Variants in KLHDC4 observed in about 807,000 individuals in gnomAD.
KLHDC4 encodes the protein kelch domain-containing protein 4.
Under a neutral mutation model 62.4 loss-of-function variants are expected in KLHDC4, and 90 were observed. The observed-to-expected ratio is 1.44, with a 90% CI of 1.22 to 1.72. The LOEUF (loss-of-function observed/expected upper bound fraction) is 1.72, where lower values mean the gene tolerates loss of function less well. Among genes scored for constraint, KLHDC4 ranks in the 40% most tolerant of loss-of-function variants. KLHDC4 has a pLI of 0.00. For synonymous variants in KLHDC4, 386 were observed against 284.4 expected (o/e 1.36, Z -3.59); for missense variants, 1,025 against 699.7 (o/e 1.47, Z -5.25).
At chr16:87,758,357 G>A (rs897054386) in intron 2 of KLHDC4, among the ~76,000 whole-genome samples, 36 of 152,284 alleles carry the variant, frequency 2.4e-4, no homozygotes, top group African/African-American at 8.2e-4. Context: ...ACCCACAGAC[G>A]GAACAGGATT....
rs759876715 is a variant in KLHDC4, at chr16:87,765,868, TCCTTCTTGC to T, written c.14_22del (p.Gly5_Lys7del). 414 of 1,552,078 alleles carry T rather than the reference TCCTTCTTGC, an allele frequency of 2.7e-4. No homozygotes were observed. Among genetic ancestry groups the T allele is most frequent in the Admixed American group, 4.7e-4 (24 of 50,994 alleles). On this transcript the variant is annotated inframe_deletion, in exon 1 of 12. Coordinates refer to ENST00000270583, the MANE Select transcript of KLHDC4 (RefSeq NM_017566.4). The stretch of plus-strand genomic sequence containing the variant: ...CTTCTCCGCGCCGCGGCCCTTCTTC[TCCTTCTTGC>T]CCTTCTTGCCCATCTTGCCGGGTCC...
downstream of KLHDC4, among the ~76,000 whole-genome samples, chr16:87,707,132 G>C (rs2034831273): frequency 6.6e-6 from 1 of 152,206 alleles, no homozygotes; most frequent in African/African-American, 2.4e-5. Flanking sequence ...CTCAACTTTT[G>C]ACCCCAATTA....
At chr16:87,765,712 T>G in intron 1 of KLHDC4, 80 bp downstream of exon 1, 2 of 1,384,142 alleles carry the variant, frequency 1.4e-6, no homozygotes, top group South Asian at 2.7e-5. Flanking sequence ...GGCCGACCCG[T>G]AACCCCGGGG....
At chr16:87,712,648 T>A (rs530298671) in intron 8 of KLHDC4, among the ~76,000 whole-genome samples, 29 of 152,372 alleles carry the variant, frequency 1.9e-4, no homozygotes, top group African/African-American at 6.5e-4. Flanking sequence ...CAGGGTGCAG[T>A]AAGGCAGGGC....
At chr16:87,711,109 C>A (rs2035720860) in intron 9 of KLHDC4, 126 bp downstream of exon 9, 1 of 847,888 alleles carries the variant, frequency 1.2e-6, no homozygotes, top group African/African-American at 1.7e-5. Flanking sequence ...GAACCCTCGC[C>A]CCTCTTGAGA....
intron 7 of KLHDC4, among the ~76,000 whole-genome samples, chr16:87,716,927 G>A (rs542084436): frequency 2.3e-4 from 33 of 145,762 alleles, no homozygotes; most frequent in Middle Eastern, 4.2e-3. Flanking sequence ...GCGAGACTCC[G>A]TCTCAAAAAA....
intron 7 of KLHDC4, among the ~76,000 whole-genome samples, chr16:87,715,545 A>G (rs1230234325): frequency 1.3e-5 from 2 of 151,962 alleles, no homozygotes; most frequent in South Asian, 4.1e-4. Flanking sequence ...CTGGGCCCTG[A>G]GCTTCTCCGA....
chr16:87,721,250 C>T (rs1390303375), intron 7 of KLHDC4, among the ~76,000 whole-genome samples: 3 of 152,068 alleles, frequency 2.0e-5, no homozygotes, highest in Non-Finnish European at 4.4e-5. Flanking sequence ...AAAACCCCGT[C>T]TCTACTAAAA....
chr16:87,727,279 G>C (rs573127930), intron 6 of KLHDC4, among the ~76,000 whole-genome samples: 1 of 152,344 alleles, frequency 6.6e-6, no homozygotes, highest in South Asian at 2.1e-4. Context: ...CACAGAGGCA[G>C]AGGAATTTAA....
intron 5 of KLHDC4, among the ~76,000 whole-genome samples, chr16:87,735,723 G>A (rs984578286): frequency 1.3e-5 from 2 of 152,120 alleles, no homozygotes; most frequent in African/African-American, 2.4e-5. Flanking sequence ...TCCTAAATAC[G>A]AAGTCTTAAA....
chr16:87,741,188 A>G (rs1172771986), intron 5 of KLHDC4, among the ~76,000 whole-genome samples: 1 of 152,194 alleles, frequency 6.6e-6, no homozygotes, highest in African/African-American at 2.4e-5. Flanking sequence ...AGACTGTTAA[A>G]AAGTATCCAC....
chr16:87,708,996 C>T (rs1417548670), intron 10 of KLHDC4, among the ~76,000 whole-genome samples: 5 of 152,336 alleles, frequency 3.3e-5, no homozygotes, highest in African/African-American at 9.6e-5. Flanking sequence ...ATGCTGTGGA[C>T]GGAGCAGCAG....
chr16:87,722,267 G>A (rs1254845131), intron 7 of KLHDC4, among the ~76,000 whole-genome samples: 1 of 152,216 alleles, frequency 6.6e-6, no homozygotes, highest in Admixed American at 6.5e-5. Flanking sequence ...GTTCTTCGTG[G>A]CAGCGCAGAG....
chr16:87,701,147 G>A (rs897198511), exon 1 of KLHDC4: 1 of 185,348 alleles, frequency 5.4e-6, no homozygotes, highest in Non-Finnish European at 1.1e-5. Context: ...AGCGCGTGGG[G>A]GGTGGGTGCT....
At chr16:87,753,970 CAA>C (rs71230728) in intron 4 of KLHDC4, among the ~76,000 whole-genome samples, 16 of 63,276 alleles carry the variant, frequency 2.5e-4, no homozygotes, top group Admixed American at 5.5e-4. Flanking sequence ...GACACCATCT[CAA>C]AAAAAAAAAA....
intron 5 of KLHDC4, chr16:87,730,896 T>A (rs774490395): frequency 1.1e-5 from 4 of 371,322 alleles, no homozygotes; most frequent in Non-Finnish European, 1.9e-5. Flanking sequence ...GCATAAAGAT[T>A]TCCTAGGTAG....
chr16:87,739,154 G>A (rs2041850179), intron 5 of KLHDC4, among the ~76,000 whole-genome samples: 1 of 124,454 alleles, frequency 8.0e-6, no homozygotes, highest in African/African-American at 3.4e-5. Context: ...CCACACACCA[G>A]CACCTCATCC....
At chr16:87,754,162 A>C (rs893794012) in intron 4 of KLHDC4, among the ~76,000 whole-genome samples, 1 of 151,862 alleles carries the variant, frequency 6.6e-6, no homozygotes, top group Non-Finnish European at 1.5e-5. Context: ...ATAAAGATTC[A>C]AATGTAGAAG....
chr16:87,725,102 G>C (rs965387717), intron 7 of KLHDC4, among the ~76,000 whole-genome samples: 19 of 149,854 alleles, frequency 1.3e-4, no homozygotes, highest in Admixed American at 1.3e-4. Context: ...TGGGTGACTT[G>C]TTTAGCAGAA....
Sources: gnomAD v4.1 joint callset for allele counts (sites outside exome capture counted in the v4.1 genomes callset) on GRCh38, gnomAD v4.1.1 for gene constraint, MANE v1.5 for transcripts, NCBI Gene and HGNC (gene_info 2026-07-23, HGNC 2026-07-21) for gene names.